The following SLC13A4 variants were observed in gnomAD, a reference collection of about 807,000 sequenced individuals.
SLC13A4 encodes solute carrier family 13 member 4.
A neutral mutation model predicts 72.7 loss-of-function variants in SLC13A4; 28 were observed. The observed-to-expected ratio is 0.39, with a 90% CI of 0.29 to 0.53. The LOEUF (loss-of-function observed/expected upper bound fraction) is 0.53, where lower values mean the gene tolerates loss of function less well. Ranked by LOEUF, SLC13A4 falls within the 20% of genes least tolerant of loss-of-function variation. The pLI is 0.78. For missense variants in SLC13A4, 653 were observed against 788.0 expected (o/e 0.83, Z 2.05); for synonymous variants, 312 against 325.5 (o/e 0.96, Z 0.45).
At chr7:135,690,299 T>C (rs1303533782) in intron 13 of SLC13A4, among the ~76,000 whole-genome samples, 1 of 152,044 alleles carries the variant, frequency 6.6e-6, no homozygotes, top group Non-Finnish European at 1.5e-5. Flanking sequence ...AAGATTGTTT[T>C]CTATTTTATG....
chr7:135,697,890 G>A (rs550192846), intron 8 of SLC13A4, among the ~76,000 whole-genome samples: 12 of 152,140 alleles, frequency 7.9e-5, no homozygotes, highest in Middle Eastern at 3.4e-3. Context: ...TTTCCACATG[G>A]TCGCCTCTTC....
rs755637998 is a variant in SLC13A4 at position 135,702,837 on chromosome 7, G to T, written c.633+8C>A. 3.7e-6 allele frequency: 6 copies of T among 1,613,092 alleles called. No individual in the cohort carries two copies. Among genetic ancestry groups the T allele is most frequent in the Non-Finnish European group, 5.1e-6 (6 of 1,179,028 alleles). ...ATTCCAAAGCACAGAAAAACCCCAAGGCCATACCTCGTTGTGCATCAGAGT... is the reference window on the plus strand; with the variant it reads ...ATTCCAAAGCACAGAAAAACCCCAATGCCATACCTCGTTGTGCATCAGAGT... On this transcript the variant is annotated splice_region_variant and intron_variant, in intron 6 of 15. Coordinates refer to ENST00000682651, the MANE Select transcript of SLC13A4 (RefSeq NM_001318192.2).
At chr7:135,691,484 G>A in intron 12 of SLC13A4, 64 bp downstream of exon 12, 1 of 1,533,512 alleles carries the variant, frequency 6.5e-7, no homozygotes, top group South Asian at 1.1e-5. Flanking sequence ...ATCTCTTTGG[G>A]AGTATTAGTC....
At chr7:135,683,927 G>C in intron 15 of SLC13A4, 197 bp downstream of exon 15, 1 of 576,902 alleles carries the variant, frequency 1.7e-6, no homozygotes. Flanking sequence ...GGGTTGGGGA[G>C]AGCACATTCT....
At chr7:135,694,282 T>C (rs750881903) in intron 9 of SLC13A4, 44 bp from the exon 10 acceptor site, 31 of 1,214,720 alleles carry the variant, frequency 2.6e-5, no homozygotes, top group Non-Finnish European at 3.8e-5. Flanking sequence ...AACACACTTC[T>C]GAGGCCCAGA....
chr7:135,718,114 A>C (rs937667806), intron 2 of SLC13A4, among the ~76,000 whole-genome samples: 2 of 96,518 alleles, frequency 2.1e-5, no homozygotes, highest in Non-Finnish European at 2.1e-5. Flanking sequence ...CGTGCGCGCT[A>C]GTCTCCTCTT....
At chr7:135,717,594 C>T (rs1796457770) in intron 2 of SLC13A4, among the ~76,000 whole-genome samples, 1 of 152,194 alleles carries the variant, frequency 6.6e-6, no homozygotes. Context: ...TATCTCTTAT[C>T]AGCACCTGAG....
At chr7:135,717,021 C>T (rs910603981) in intron 2 of SLC13A4, among the ~76,000 whole-genome samples, 1 of 152,182 alleles carries the variant, frequency 6.6e-6, no homozygotes, top group African/African-American at 2.4e-5. Context: ...ATTGTCTCTT[C>T]CTGTCCGCAT....
rs1233534092 is a variant in SLC13A4 at position 135,685,675 on chromosome 7, G to A, written c.1455C>T (p.Gly485=). 3.7e-6 allele frequency: 6 copies of A among 1,613,636 alleles called. No homozygotes were observed. The East Asian group carries it at 1.1e-4, about 30-fold the overall frequency. The change falls in exon 14 of 16, where the codon GGC becomes GGT. Residue 485 remains glycine (G), a synonymous_variant. Coordinates refer to ENST00000682651, the MANE Select transcript of SLC13A4 (RefSeq NM_001318192.2). ...TCTGGTTCCCAATCCATGTAGAGAGGCCAGAGCTCTGTAGGAAGAGGTGTT... is the reference window on the plus strand; with the variant it reads ...TCTGGTTCCCAATCCATGTAGAGAGACCAGAGCTCTGTAGGAAGAGGTGTT... ...YALASGSKSS[G]LSTWIGNQML...
chr7:135,726,474 G>A (rs890304292), intron 1 of SLC13A4, among the ~76,000 whole-genome samples: 1 of 152,178 alleles, frequency 6.6e-6, no homozygotes, highest in African/African-American at 2.4e-5. Context: ...TCCTACAAAC[G>A]TGATTAACCT....
At position 135,705,621 on chromosome 7, in the gene SLC13A4, G is replaced by C. The variant is rs1016190780; in HGVS notation, c.568C>G (p.Leu190Val). Residue 190 changes from leucine to valine, a missense_variant, in exon 5 of 16, where the codon CTG (leucine) becomes GTG (valine). Transcript: ENST00000682651. ...SLDVKNSQPS[L>V]ELIFVNEDRS... ...TCTTCATTGACAAAGATGAGTTCCA[G>C]AGAAGGTTGGCTGTTCTTTACATCC... 5 of 1,614,036 alleles carry C rather than the reference G, an allele frequency of 3.1e-6. No individual in the cohort carries two copies. In the African/African-American group the frequency reaches 6.7e-5, roughly 22 times the overall value.
chr7:135,711,972 T>G, intron 2 of SLC13A4, among the ~76,000 whole-genome samples: 1 of 62,524 alleles, frequency 1.6e-5, no homozygotes, highest in Non-Finnish European at 3.1e-5. Context: ...GATTTTTTTT[T>G]TTTTTTTTTT....
At position 135,709,633 on chromosome 7, in the gene SLC13A4, A is replaced by G. The variant is rs534992567; in HGVS notation, c.229-1383T>C. Among the ~76,000 whole-genome samples the G allele has an allele frequency of 4.6e-5, 7 of 152,322 alleles. No homozygotes were observed. The East Asian group carries it at 9.6e-4, about 21-fold the overall frequency. On this transcript the variant is annotated intron_variant, in intron 2 of 15. Transcript: ENST00000682651. ...GGGGAAGTTGAGACATAGGGCAGTT[A>G]AAAAGATGTTTCGCATGTTTGAGGT...
Position 135,684,129 on chromosome 7 carries a change from C to G in SLC13A4, c.1741G>C (p.Asp581His). ...VFSYGHCQIK[D>H]MVKAGLGVNV... is the part of the protein sequence containing the mutation. Reference sequence around the variant, plus strand: ...GAGAGGGCACCCCAACTCACCATATCTTTGATCTGGCAGTGCCCATAGCTG... The same window carrying G: ...GAGAGGGCACCCCAACTCACCATATGTTTGATCTGGCAGTGCCCATAGCTG... The change falls in exon 15 of 16, where the codon GAT (aspartate) becomes CAT (histidine). Residue 581 changes from aspartate to histidine, a missense_variant. Asp to His is a moderately conservative substitution (Grantham distance 81). Transcript: ENST00000682651. The G allele has an allele frequency of 6.2e-7, 1 of 1,603,926 alleles. No homozygotes were observed.
chr7:135,704,007 C>T (rs1022310049), intron 5 of SLC13A4: 1 of 152,250 alleles, frequency 6.6e-6, no homozygotes, highest in Non-Finnish European at 1.5e-5. Context: ...ACAAAAGATG[C>T]TTAGAGTTCT....
intron 11 of SLC13A4, chr7:135,692,042 T>G: frequency 2.1e-6 from 1 of 471,574 alleles, no homozygotes; most frequent in East Asian, 4.1e-5. Context: ...TGGTACTTTA[T>G]AGATGTTTCC....
At chr7:135,716,317 T>A (rs561065185) in intron 2 of SLC13A4, among the ~76,000 whole-genome samples, 181 of 152,108 alleles carry the variant, frequency 1.2e-3, no homozygotes, top group African/African-American at 3.4e-3. Context: ...TTAAAAAAAA[T>A]TTTTTTAGAT....
In SLC13A4 at chr7:135,702,825, G is replaced by T. The variant is rs368015428; in HGVS notation, c.633+20C>A. 5.6e-6 allele frequency: 9 copies of T among 1,611,170 alleles called. No individual in the cohort carries two copies. The Admixed American group carries it at 1.5e-4, about 27-fold the overall frequency. ...GATTTTCAAGTGATTCCAAAGCACA[G>T]AAAAACCCCAAGGCCATACCTCGTT... On this transcript the variant is annotated intron_variant, in intron 6 of 15. Coordinates refer to ENST00000682651, the MANE Select transcript of SLC13A4 (RefSeq NM_001318192.2).
rs746644737 is a variant in SLC13A4 at position 135,699,477 on chromosome 7, G to A, written c.786C>T (p.Asp262=). 2 of 1,613,112 alleles carry A rather than the reference G, an allele frequency of 1.2e-6. No individual in the cohort carries two copies. The highest frequency in any genetic ancestry group is 1.1e-5 in the South Asian group (1 of 90,678). The change falls in exon 8 of 16, where the codon GAC becomes GAT. Residue 262 remains aspartate, a synonymous_variant. Transcript: ENST00000682651. ...GGGAGAGGCACTTGCAGATCATCTG[G>A]TCATGGTGGGACCTGTACTTTCTGT... ...KLNRKYRSHH[D]QMICKCLSLS...
Sources: allele counts gnomAD v4.1 joint callset (sites outside exome capture counted in the v4.1 genomes callset), GRCh38; gene constraint gnomAD v4.1.1; transcripts MANE v1.5; gene names NCBI Gene and HGNC (gene_info 2026-07-23, HGNC 2026-07-21).